The following CERKL variants were observed in gnomAD, a reference collection of about 807,000 sequenced individuals.
CERKL encodes ceramide kinase-like protein.
Under a neutral mutation model 63.4 loss-of-function variants are expected in CERKL, and 61 were observed. The ratio of observed to expected loss-of-function variants is 0.96; its 90% confidence interval spans 0.78 to 1.19. The LOEUF (loss-of-function observed/expected upper bound fraction) is 1.19, where lower values mean the gene tolerates loss of function less well. Among genes scored for constraint, CERKL ranks in the 50% most tolerant of loss-of-function variants. The pLI, the probability that CERKL is intolerant of heterozygous loss-of-function variation, is 0.00. For synonymous variants in CERKL, 250 were observed against 230.5 expected (o/e 1.08, Z -0.77); for missense variants, 675 against 655.5 (o/e 1.03, Z -0.33).
chr2:181,607,438 C>T (rs190523698), intron 1 of CERKL, among the ~76,000 whole-genome samples: 1 of 152,244 alleles, frequency 6.6e-6, no homozygotes, highest in Non-Finnish European at 1.5e-5. Flanking sequence ...TCCTTTGTTA[C>T]GAACTATAGA....
chr2:181,549,662 C>T lies in CERKL; in HGVS notation c.867G>A (p.Val289=), dbSNP rs1230628225. Residue 289 remains valine, a synonymous_variant, in exon 6 of 13, where the codon GTG becomes GTA. Coordinates refer to ENST00000410087, the MANE Select transcript of CERKL (RefSeq NM_201548.5). ...TTATAATGTGCAATGTTGCAGTTAT[C>T]ACATGAGGAACTCCATGAAGAGAAT... is the stretch of plus-strand genomic sequence containing the variant. The part of the protein sequence containing the change: ...LAHSLHGVPH[V]ITATLHIIMG... 6.2e-7 allele frequency: 1 copy of T among 1,612,274 alleles called. No homozygotes were observed. The highest frequency in any genetic ancestry group is 1.3e-5 in the African/African-American group (1 of 74,836).
intron 1 of CERKL, among the ~76,000 whole-genome samples, chr2:181,614,082 C>T (rs1346885083): frequency 2.6e-5 from 4 of 151,656 alleles, no homozygotes; most frequent in Non-Finnish European, 4.4e-5. Context: ...GTATTGTTAC[C>T]GAAGTTCTTA....
intron 1 of CERKL, among the ~76,000 whole-genome samples, chr2:181,634,795 C>T (rs546857586): frequency 3.9e-5 from 6 of 152,210 alleles, no homozygotes; most frequent in South Asian, 4.1e-4. Flanking sequence ...GTCCTATACC[C>T]GCTAGTTAAG....
At chr2:181,601,680 T>C (rs1685464131) in intron 2 of CERKL, among the ~76,000 whole-genome samples, 4 of 152,356 alleles carry the variant, frequency 2.6e-5, no homozygotes, top group South Asian at 4.1e-4. Flanking sequence ...ACTGTCTTTG[T>C]GGGGAGTAGG....
At chr2:181,549,139 A>G (rs1428040962) in intron 6 of CERKL, among the ~76,000 whole-genome samples, 1 of 152,220 alleles carries the variant, frequency 6.6e-6, no homozygotes, top group East Asian at 1.9e-4. Flanking sequence ...GTAGATAGGC[A>G]AGGTAAACAC....
intron 1 of CERKL, among the ~76,000 whole-genome samples, chr2:181,621,326 A>AT (rs1185099339): frequency 6.6e-6 from 1 of 152,224 alleles, no homozygotes; most frequent in Non-Finnish European, 1.5e-5. Context: ...AAACACACAT[A>AT]TAATTCACAA....
Position 181,544,772 on chromosome 2 carries a change from AAG to A in CERKL, c.1291_1292del (p.Leu431TyrfsTer31). ...GCCGAGAAGTGTTTCGGGCAATTAT[AAG>A]AGCCATACTTCCATTATTTAATCTG... Reference protein sequence around the residue: ...NTRLNNGSMALIIARNTSRPE... With the variant: ...NTRLNNGSMAXIIARNTSRPE... On this transcript the variant is annotated frameshift_variant, in exon 11 of 13. Coordinates refer to ENST00000410087, the MANE Select transcript of CERKL (RefSeq NM_201548.5). LOFTEE classifies it high-confidence loss of function. 6.2e-7 allele frequency: 1 copy of A among 1,603,916 alleles called. No individual in the cohort carries two copies. Among genetic ancestry groups the A allele is most frequent in the Non-Finnish European group, 8.5e-7 (1 of 1,172,356 alleles).
chr2:181,596,083 C>A (rs1025670130), intron 2 of CERKL, among the ~76,000 whole-genome samples: 1 of 152,156 alleles, frequency 6.6e-6, no homozygotes, highest in African/African-American at 2.4e-5. Context: ...AATATAATCA[C>A]ATAAGATCTG....
At chr2:181,547,427 T>C (rs1343631563) in intron 10 of CERKL, among the ~76,000 whole-genome samples, 191 bp downstream of exon 10, 1 of 152,188 alleles carries the variant, frequency 6.6e-6, no homozygotes, top group East Asian at 1.9e-4. Context: ...AAATAGTCAA[T>C]GATTATCTGA....
Position 181,537,496 on chromosome 2 carries a change from G to GGCAGGTAGGCTATATAA in CERKL, c.*671_*687dup, listed in dbSNP as rs1162224286. 1.3e-5 allele frequency: 6 copies of GGCAGGTAGGCTATATAA among 452,998 alleles called. No homozygotes were observed. The highest frequency in any genetic ancestry group is 1.2e-4 in the Admixed American group (5 of 42,470). The allele number at this position is 452,998 out of a possible 1,614,324, so 28.1% of individuals were successfully genotyped here. Reference sequence around the variant, plus strand: ...AGACAGGGATGGGTTATTCTTTTTTGGCAGGTAGGCTATATAACTATGTGA... The same window carrying GGCAGGTAGGCTATATAA: ...AGACAGGGATGGGTTATTCTTTTTTGGCAGGTAGGCTATATAAGCAGGTAGGCTATATAACTATGTGA... On this transcript the variant is annotated 3_prime_UTR_variant, in exon 13 of 13. Coordinates refer to ENST00000410087, the MANE Select transcript of CERKL (RefSeq NM_201548.5).
chr2:181,556,073 T>G (rs1688190954), intron 5 of CERKL, among the ~76,000 whole-genome samples: 1 of 152,010 alleles, frequency 6.6e-6, no homozygotes, highest in African/African-American at 2.4e-5. Context: ...TTTAAATGTG[T>G]AATCAAGACT....
At chr2:181,628,872 A>T (rs12617602) in intron 1 of CERKL, among the ~76,000 whole-genome samples, 17,120 of 152,120 alleles carry the variant, frequency 0.11, 1,324 homozygotes, top group East Asian at 0.22. Flanking sequence ...TGTTTCCAGG[A>T]TACATATAAT....
At chr2:181,634,435 G>A (rs1574051472) in intron 1 of CERKL, among the ~76,000 whole-genome samples, 1 of 152,234 alleles carries the variant, frequency 6.6e-6, no homozygotes, top group East Asian at 1.9e-4. Context: ...GCAACAGTAT[G>A]TGCAGACAAA....
At chr2:181,626,021 C>A (rs1362389011) in intron 1 of CERKL, among the ~76,000 whole-genome samples, 2 of 151,856 alleles carry the variant, frequency 1.3e-5, no homozygotes, top group African/African-American at 2.4e-5. Context: ...TATTATGATC[C>A]CATTTTACAG....
chr2:181,604,168 G>A (rs1253011490), intron 1 of CERKL, 89 bp from the exon 2 acceptor site: 2 of 1,046,868 alleles, frequency 1.9e-6, no homozygotes, highest in African/African-American at 1.7e-5. Context: ...GGTAGAAAGT[G>A]AGCAAAGGGA....
intron 1 of CERKL, among the ~76,000 whole-genome samples, chr2:181,622,373 TAGG>T (rs1686495272): frequency 6.6e-6 from 1 of 152,174 alleles, no homozygotes; most frequent in South Asian, 2.1e-4. Context: ...TTTCATTTAG[TAGG>T]AGGACTATTG....
intron 2 of CERKL, among the ~76,000 whole-genome samples, chr2:181,587,693 A>T (rs1284691765): frequency 6.6e-6 from 1 of 152,164 alleles, no homozygotes; most frequent in Non-Finnish European, 1.5e-5. Context: ...AATCCAATTC[A>T]AATGATAGTT....
At chr2:181,545,362 CT>C (rs1276155666) in intron 10 of CERKL, among the ~76,000 whole-genome samples, 1 of 152,132 alleles carries the variant, frequency 6.6e-6, no homozygotes, top group Admixed American at 6.6e-5. Context: ...TCTTGCATAA[CT>C]GTTCCATCCA....
At chr2:181,602,769 A>G (rs1318091237) in intron 2 of CERKL, among the ~76,000 whole-genome samples, 1 of 152,160 alleles carries the variant, frequency 6.6e-6, no homozygotes, top group Non-Finnish European at 1.5e-5. Context: ...ACCCATTTCT[A>G]TCCTGTGCCA....
Sources: gnomAD v4.1 joint callset for allele counts (sites outside exome capture counted in the v4.1 genomes callset) on GRCh38, gnomAD v4.1.1 for gene constraint, MANE v1.5 for transcripts, NCBI Gene and HGNC (gene_info 2026-07-23, HGNC 2026-07-21) for gene names.